The following UPF1 variants were observed in gnomAD, a reference collection of about 807,000 sequenced individuals.
The protein encoded by UPF1 is UPF1 RNA helicase and ATPase.
Under a neutral mutation model 129.2 loss-of-function variants are expected in UPF1, and 9 were observed. That is an observed-to-expected ratio of 0.07 (90% CI 0.04 to 0.12). The LOEUF (loss-of-function observed/expected upper bound fraction) is 0.12, where lower values mean the gene tolerates loss of function less well. UPF1 is among the 10% of genes least tolerant of loss of function. The pLI, the probability that UPF1 is intolerant of heterozygous loss-of-function variation, is 1.00. For synonymous variants in UPF1, 649 were observed against 644.9 expected, an observed-to-expected ratio of 1.01 and a Z score of -0.10; for missense variants, 788 against 1,525.3, an observed-to-expected ratio of 0.52 and a Z score of 8.05.
chr19:18,833,850 C>T (rs1397496373), intron 1 of UPF1, among the ~76,000 whole-genome samples: 1 of 152,170 alleles, frequency 6.6e-6, no homozygotes, highest in Non-Finnish European at 1.5e-5. Context: ...GAGTCACTCT[C>T]GTGGGTAGAC....
At chr19:18,843,518 G>GTTTTTTT (rs35934501) in intron 1 of UPF1, among the ~76,000 whole-genome samples, 2 of 124,056 alleles carry the variant, frequency 1.6e-5, no homozygotes, top group Non-Finnish European at 3.2e-5. Flanking sequence ...GACTTTCTTT[G>GTTTTTTT]TTTTTTTTTT....
Position 18,833,971 on chromosome 19 carries a change from C to T in UPF1, c.231+1531C>T, listed in dbSNP as rs191440960. Among the ~76,000 whole-genome samples the T allele has an allele frequency of 9.8e-4, 149 of 152,194 alleles. 1 individual carries two copies. Among genetic ancestry groups the T allele is most frequent in the African/African-American group, 3.4e-3 (143 of 41,518 alleles). On this transcript the variant is annotated intron_variant, in intron 1 of 23. Transcript: ENST00000262803. ...GGGGTGTGAGGAGAACAGGTGTGCA[C>T]GTATGGGTGTTTTTTTCAGTTTTGT... is the stretch of plus-strand genomic sequence containing the variant.
chr19:18,855,514 T>G (rs1438295043), intron 11 of UPF1: 2 of 554,200 alleles, frequency 3.6e-6, no homozygotes, highest in Non-Finnish European at 6.4e-6. Flanking sequence ...TGCGGCACTT[T>G]ATAGTGTGGC....
intron 8 of UPF1, among the ~76,000 whole-genome samples, chr19:18,854,289 G>A (rs747264624): frequency 1.3e-5 from 2 of 152,202 alleles, no homozygotes; most frequent in Non-Finnish European, 2.9e-5. Context: ...GCTGGTGAGC[G>A]CTGCTGGCTT....
chr19:18,864,306 G>T (rs1457993153), intron 20 of UPF1, 55 bp downstream of exon 20: 18 of 1,513,360 alleles, frequency 1.2e-5, no homozygotes, highest in Non-Finnish European at 1.5e-5. Flanking sequence ...CCGGGATGCT[G>T]GCCGTTCCCA....
chr19:18,858,642 C>T (rs2055743963), intron 15 of UPF1, among the ~76,000 whole-genome samples: 1 of 152,066 alleles, frequency 6.6e-6, no homozygotes, highest in Admixed American at 6.6e-5. Flanking sequence ...TCCATGAGGC[C>T]TGGCTTCCCC....
intron 3 of UPF1, 80 bp downstream of exon 3, chr19:18,847,913 A>C: frequency 6.7e-7 from 1 of 1,484,352 alleles, no homozygotes; most frequent in Middle Eastern, 1.8e-4. Flanking sequence ...TGTTGAAGCA[A>C]AGCGTAATAT....
Position 18,855,110 on chromosome 19 carries a change from C to T in UPF1, c.1426-14C>T, listed in dbSNP as rs745811916. On this transcript the variant is annotated splice_polypyrimidine_tract_variant and intron_variant, in intron 10 of 23. Transcript: ENST00000262803. ...GCAAGCGGAGGCTGCCCCTAACGGCCGCTTGTATTGAAGGTTTATGCCGTG... is the reference window on the plus strand; with the variant it reads ...GCAAGCGGAGGCTGCCCCTAACGGCTGCTTGTATTGAAGGTTTATGCCGTG... The T allele has an allele frequency of 1.7e-5, 28 of 1,613,672 alleles. No individual in the cohort carries two copies. The highest frequency in any genetic ancestry group is 2.2e-5 in the East Asian group (1 of 44,884).
At chr19:18,860,608 CTTG>C (rs2055767737) in intron 16 of UPF1, among the ~76,000 whole-genome samples, 170 bp downstream of exon 16, 1 of 152,200 alleles carries the variant, frequency 6.6e-6, no homozygotes, top group Non-Finnish European at 1.5e-5. Flanking sequence ...TTCCATTGTA[CTTG>C]TTTTTTATTG....
At chr19:18,852,760 G>C (rs1601113552) in intron 6 of UPF1, among the ~76,000 whole-genome samples, 1 of 152,010 alleles carries the variant, frequency 6.6e-6, no homozygotes, top group Non-Finnish European at 1.5e-5. Context: ...CTGGTGTGCG[G>C]TGAAGCCTCC....
At chr19:18,860,569 ACT>A in intron 16 of UPF1, 131 bp downstream of exon 16, 1 of 984,730 alleles carries the variant, frequency 1.0e-6, no homozygotes, top group Non-Finnish European at 1.5e-6. Context: ...GCCTGTTTAG[ACT>A]CTAAACCGTG....
At chr19:18,847,202 A>G (rs533026006) in intron 2 of UPF1, among the ~76,000 whole-genome samples, 46 of 152,370 alleles carry the variant, frequency 3.0e-4, no homozygotes, top group Non-Finnish European at 4.7e-4. Context: ...AGAGATGGCC[A>G]TAAGTCCTGG....
In UPF1 at chr19:18,840,502, C is replaced by T. The variant is rs574056781; in HGVS notation, c.232-5478C>T. Among the ~76,000 whole-genome samples, 97 of 152,216 alleles carry T rather than the reference C, an allele frequency of 6.4e-4. No individual in the cohort carries two copies. The Middle Eastern group carries it at 0.014, about 21-fold the overall frequency. On this transcript the variant is annotated intron_variant, in intron 1 of 23. Coordinates refer to ENST00000262803, the MANE Select transcript of UPF1 (RefSeq NM_002911.4). ...GCACATGCTGGGCAGCAGCTCACAA[C>T]TGAGGGGCAGTTTGTGCTTGTCATG...
Position 18,865,389 on chromosome 19 carries a change from C to T in UPF1, c.2958C>T (p.Asn986=), listed in dbSNP as rs775922779. Residue 986 remains asparagine, a synonymous_variant, in exon 21 of 24, where the codon AAC becomes AAT. Transcript: ENST00000262803. The surrounding 1 kb of genome is among the most constrained non-coding windows in gnomAD (Gnocchi z 6.1). ...VAAMNIPIPF[N]LVMPPMPPPG... is the part of the protein sequence containing the mutation. Reference sequence around the variant, plus strand: ...CCATGAACATTCCCATCCCCTTCAACCTGGTCATGCCACCCATGCCACCGC... The same window carrying T: ...CCATGAACATTCCCATCCCCTTCAATCTGGTCATGCCACCCATGCCACCGC... The T allele has an allele frequency of 1.2e-5, 19 of 1,614,022 alleles. No homozygotes were observed. The highest frequency in any genetic ancestry group is 8.3e-5 in the Admixed American group (5 of 60,010).
In UPF1 at chr19:18,863,502, C is replaced by T. The variant is rs1264134665; in HGVS notation, c.2665C>T (p.Leu889=). The change falls in exon 19 of 24, where the codon CTG becomes TTG. Residue 889 remains leucine, a synonymous_variant. Coordinates refer to ENST00000262803, the MANE Select transcript of UPF1 (RefSeq NM_002911.4). The stretch of plus-strand genomic sequence containing the variant: ...AAAGCAGCCGCTCTGGAACCACCTG[C>T]TGAACTACTATAAGGAGCAGAAGGT... ...LSKQPLWNHL[L]NYYKEQKVLV... is the part of the protein sequence containing the mutation. 4 of 1,613,940 alleles carry T rather than the reference C, an allele frequency of 2.5e-6. No homozygotes were observed. The Admixed American group carries it at 6.7e-5, about 27-fold the overall frequency.
chr19:18,863,196 C>A, intron 18 of UPF1: 1 of 470,914 alleles, frequency 2.1e-6, no homozygotes, highest in Non-Finnish European at 3.8e-6. Flanking sequence ...ACGTATCCAC[C>A]CAGCCAGGTG....
rs1159725945 is a variant in UPF1 at position 18,867,509 on chromosome 19, T to G, written c.*992T>G. On this transcript the variant is annotated 3_prime_UTR_variant, in exon 24 of 24. Coordinates refer to ENST00000262803, the MANE Select transcript of UPF1 (RefSeq NM_002911.4). ...CTTTTTCCCGGGGGCCTTTGGAAGA[T>G]TTGGTGGAAGGACAAGAGGGCCTGT... 6.6e-6 allele frequency: 1 copy of G among 152,308 alleles called. No individual in the cohort carries two copies. Among genetic ancestry groups the G allele is most frequent in the Non-Finnish European group, 1.5e-5 (1 of 68,208 alleles). 9.4% of individuals were successfully genotyped at this position (152,308 alleles called of 1,614,324 possible). A position where few individuals can be genotyped will look rare whatever the true frequency, so the allele number is the denominator to read the frequency against.
At chr19:18,858,375 G>A (rs1250477812) in intron 15 of UPF1, among the ~76,000 whole-genome samples, 11 of 152,092 alleles carry the variant, frequency 7.2e-5, no homozygotes, top group Admixed American at 6.6e-4. Flanking sequence ...GAGGTCTGTG[G>A]GGGTGACAGA....
intron 3 of UPF1, 40 bp downstream of exon 3, chr19:18,847,873 G>A (rs767865977): frequency 1.9e-5 from 30 of 1,573,258 alleles, no homozygotes; most frequent in Non-Finnish European, 2.5e-5. Context: ...AATCAGTGCT[G>A]TGCTCAGATT....
Sources: gnomAD v4.1 joint callset for allele counts (sites outside exome capture counted in the v4.1 genomes callset) on GRCh38, gnomAD v4.1.1 for gene constraint, Gnocchi (gnomAD v3.1) non-coding constraint, MANE v1.5 for transcripts, NCBI Gene and HGNC (gene_info 2026-07-23, HGNC 2026-07-21) for gene names.